Variants in RBFOX1 observed in about 807,000 individuals in gnomAD.
The protein encoded by RBFOX1 is RNA binding protein fox-1 homolog 1.
Under a neutral mutation model 57.7 loss-of-function variants are expected in RBFOX1, and 8 were observed. The ratio of observed to expected loss-of-function variants is 0.14; its 90% CI spans 0.08 to 0.25. The LOEUF is 0.25. Among genes scored for constraint, RBFOX1 ranks in the 10% least tolerant of loss-of-function variants. The probability of loss-of-function intolerance (pLI) is 1.00; values close to 1 mark genes in which losing one functional copy is unlikely to be tolerated. For synonymous variants in RBFOX1, 326 were observed against 222.4 expected, an observed-to-expected ratio of 1.47 and a Z score of -4.15; for missense variants, 611 against 548.5, an observed-to-expected ratio of 1.11 and a Z score of -1.14.
intron 4 of RBFOX1, among the ~76,000 whole-genome samples, chr16:7,188,722 T>C (rs2084553782): frequency 6.6e-6 from 1 of 152,224 alleles, no homozygotes; most frequent in South Asian, 2.1e-4. Flanking sequence ...TTCTACCATA[T>C]ATTTGGAGAT....
At chr16:7,079,626 T>C (rs1376638634) in intron 4 of RBFOX1, among the ~76,000 whole-genome samples, 1 of 152,142 alleles carries the variant, frequency 6.6e-6, no homozygotes, top group Non-Finnish European at 1.5e-5. Flanking sequence ...TCATAAAGCC[T>C]TTTGCGTTAT....
At chr16:5,402,922 A>G (rs1387065711) in intron 1 of RBFOX1, among the ~76,000 whole-genome samples, 3 of 152,240 alleles carry the variant, frequency 2.0e-5, no homozygotes, top group Non-Finnish European at 2.9e-5. Context: ...ATAAACAGTA[A>G]AATATCAGTG....
chr16:7,337,807 C>G (rs752326358), intron 4 of RBFOX1, among the ~76,000 whole-genome samples: 1 of 152,146 alleles, frequency 6.6e-6, no homozygotes. Flanking sequence ...GCCTCAGCCT[C>G]CCAAGTAACT....
chr16:7,028,873 G>C (rs1469628904), intron 3 of RBFOX1, among the ~76,000 whole-genome samples: 1 of 150,734 alleles, frequency 6.6e-6, no homozygotes, highest in African/African-American at 2.4e-5. Context: ...ATCTGAGTGG[G>C]AATCCAAGCT....
intron 3 of RBFOX1, among the ~76,000 whole-genome samples, chr16:5,653,744 A>G (rs534020897): frequency 5.0e-4 from 76 of 152,158 alleles, no homozygotes; most frequent in African/African-American, 1.8e-3. Context: ...GCTCATTTCC[A>G]CAGGCCAGGG....
chr16:7,330,894 C>T (rs1468448481), intron 4 of RBFOX1, among the ~76,000 whole-genome samples: 7 of 152,088 alleles, frequency 4.6e-5, no homozygotes, highest in South Asian at 2.1e-4. Flanking sequence ...CTGTCCTCCC[C>T]GGTAACTTCT....
intron 4 of RBFOX1, among the ~76,000 whole-genome samples, chr16:7,491,277 A>T (rs2151530959): frequency 6.6e-6 from 1 of 151,816 alleles, no homozygotes; most frequent in Non-Finnish European, 1.5e-5. Context: ...ACTTTGGTTG[A>T]CTGTAAATCT....
intron 4 of RBFOX1, among the ~76,000 whole-genome samples, chr16:7,152,794 G>A (rs889966705): frequency 6.6e-6 from 1 of 152,192 alleles, no homozygotes; most frequent in Admixed American, 6.5e-5. Context: ...TCTAAGCATG[G>A]TGGACCATTT....
intron 4 of RBFOX1, among the ~76,000 whole-genome samples, chr16:5,993,676 T>C (rs990782791): frequency 6.6e-6 from 1 of 152,324 alleles, no homozygotes; most frequent in Middle Eastern, 3.4e-3. Flanking sequence ...CCCATTTAGC[T>C]GCAGTGAGTT....
intron 2 of RBFOX1, among the ~76,000 whole-genome samples, chr16:6,444,885 C>G (rs1333677835): frequency 2.0e-5 from 3 of 152,022 alleles, no homozygotes; most frequent in Admixed American, 6.5e-5. Flanking sequence ...AGGTTTGAAG[C>G]AGAAAAATGG....
chr16:6,904,072 C>T (rs1167328572), intron 3 of RBFOX1, among the ~76,000 whole-genome samples: 3 of 152,244 alleles, frequency 2.0e-5, no homozygotes, highest in South Asian at 2.1e-4. Context: ...GGGGGCTGTG[C>T]GGGTACAGCA....
chr16:7,034,853 T>C (rs112619891), intron 3 of RBFOX1, among the ~76,000 whole-genome samples: 36 of 65,210 alleles, frequency 5.5e-4, no homozygotes, highest in Middle Eastern at 6.7e-3. Context: ...TTTTTCTTTT[T>C]TTTTTTTTTT....
chr16:5,386,353 A>G (rs917034542), intron 1 of RBFOX1, among the ~76,000 whole-genome samples: 2 of 152,056 alleles, frequency 1.3e-5, no homozygotes, highest in African/African-American at 2.4e-5. Context: ...TTGCATCTCA[A>G]AGGCCCCAGG....
At chr16:5,822,614 G>T (rs1384592941) in intron 3 of RBFOX1, among the ~76,000 whole-genome samples, 3 of 152,168 alleles carry the variant, frequency 2.0e-5, no homozygotes, top group Admixed American at 6.5e-5. Context: ...AAGAATTGAG[G>T]TGATAGGTAC....
chr16:7,627,692 C>G (rs928181400), intron 10 of RBFOX1, among the ~76,000 whole-genome samples: 1 of 152,106 alleles, frequency 6.6e-6, no homozygotes, highest in Non-Finnish European at 1.5e-5. Context: ...AACACACTTA[C>G]CTTTCCCTGC....
At chr16:6,559,556 C>T (rs2097152043) in intron 2 of RBFOX1, among the ~76,000 whole-genome samples, 1 of 152,088 alleles carries the variant, frequency 6.6e-6, no homozygotes, top group East Asian at 1.9e-4. Flanking sequence ...ACTTGAGTCA[C>T]CTGTCGTGTT....
At chr16:5,499,279 A>C (rs566078704) in intron 2 of RBFOX1, among the ~76,000 whole-genome samples, 54 of 152,328 alleles carry the variant, frequency 3.5e-4, no homozygotes, top group African/African-American at 1.1e-3. Flanking sequence ...TAGAGGAATG[A>C]CTGACTTCTG....
chr16:6,080,205 G>A (rs1483253080), intron 1 of RBFOX1, among the ~76,000 whole-genome samples: 2 of 152,108 alleles, frequency 1.3e-5, no homozygotes, highest in South Asian at 2.1e-4. Flanking sequence ...TTCCCTTGGC[G>A]CTGATCCGTG....
intron 3 of RBFOX1, among the ~76,000 whole-genome samples, chr16:7,027,634 G>T (rs957991160): frequency 2.0e-5 from 3 of 152,150 alleles, no homozygotes; most frequent in African/African-American, 4.8e-5. Context: ...AATCCCCCAA[G>T]CCCAACTTTC....
Sources: gnomAD v4.1 joint callset for allele counts (sites outside exome capture counted in the v4.1 genomes callset) on GRCh38, gnomAD v4.1.1 for gene constraint, MANE v1.5 for transcripts, NCBI Gene and HGNC (gene_info 2026-07-23, HGNC 2026-07-21) for gene names.